LY6K: variants seen among roughly 807,000 people sequenced by gnomAD.
The protein encoded by LY6K is lymphocyte antigen 6K.
A neutral mutation model predicts 10.4 loss-of-function variants in LY6K; 9 were observed. The ratio of observed to expected loss-of-function variants is 0.87; its 90% CI spans 0.52 to 1.52. The LOEUF (loss-of-function observed/expected upper bound fraction) is 1.52, where lower values mean the gene tolerates loss of function less well. Ranked by LOEUF, LY6K falls within the 40% of genes most tolerant of loss-of-function variation. LY6K has a pLI of 0.00. For missense variants in LY6K, 217 were observed against 211.7 expected (o/e 1.02, Z -0.15); for synonymous variants, 98 against 83.7 (o/e 1.17, Z -0.94).
intron 2 of LY6K, chr8:142,702,361 A>AGT: frequency 6.7e-6 from 5 of 751,856 alleles, no homozygotes; most frequent in Non-Finnish European, 1.1e-5. Context: ...ACAGCCTTCA[A>AGT]GTGTGTTCTC....
Position 142,704,456 on chromosome 8 carries a change from G to C in LY6K, c.*1085G>C, listed in dbSNP as rs781959533. ...TTGAAACTCTCACAAAACTGGCCTT[G>C]TTTGATGAGAGGAATGAGCAGGAGC... On this transcript the variant is annotated 3_prime_UTR_variant, in exon 3 of 3. Transcript: ENST00000292430. The C allele has an allele frequency of 6.6e-6, 1 of 152,360 alleles. No individual in the cohort carries two copies. The highest frequency in any genetic ancestry group is 1.5e-5 in the Non-Finnish European group (1 of 68,042). The allele number at this position is 152,360 out of a possible 1,614,324, so 9.4% of individuals were successfully genotyped here.
At chr8:142,702,025 C>T in intron 2 of LY6K, 1 of 301,520 alleles carries the variant, frequency 3.3e-6, no homozygotes, top group Non-Finnish European at 6.2e-6. Flanking sequence ...TCAGGCTGGT[C>T]TCGAACTCCT....
At chr8:142,702,768 A>T (rs587684214) in intron 2 of LY6K, 1 of 1,484,614 alleles carries the variant, frequency 6.7e-7, no homozygotes, top group Admixed American at 2.2e-5. Context: ...GCTGGGAGTC[A>T]TGTGTCTGTC....
At position 142,700,383 on chromosome 8, in the gene LY6K, G is replaced by C; in HGVS notation, c.-145G>C. The C allele has an allele frequency of 7.5e-7, 1 of 1,341,866 alleles. No homozygotes were observed. Among genetic ancestry groups the C allele is most frequent in the Non-Finnish European group, 9.5e-7 (1 of 1,050,838 alleles). The allele number at this position is 1,341,866 out of a possible 1,614,324, so 83.1% of individuals were successfully genotyped here. A position where few individuals can be genotyped will look rare whatever the true frequency, so the allele number is the denominator to read the frequency against. ...GGCTCCAAAGACCCCGACAGGCCCC[G>C]GCGGGTGGGAGGCGCGCGCCCCGGG... On this transcript the variant is annotated 5_prime_UTR_variant, in exon 1 of 3. Transcript: ENST00000292430.
chr8:142,700,643 C>A lies in LY6K; in HGVS notation c.103+13C>A, dbSNP rs1554639975. 3 of 1,510,442 alleles carry A rather than the reference C, an allele frequency of 2.0e-6. No homozygotes were observed. The highest frequency in any genetic ancestry group is 2.7e-6 in the Non-Finnish European group (3 of 1,128,298). 93.6% of individuals were successfully genotyped at this position (1,510,442 alleles called of 1,614,324 possible). On this transcript the variant is annotated intron_variant, in intron 1 of 2. Coordinates refer to ENST00000292430, the MANE Select transcript of LY6K (RefSeq NM_017527.4). ...TCCCAGCGAACGGGTGAGCCTGGCT[C>A]GCCCTCCACAGCCACGGGCCGAGAG...
At position 142,700,536 on chromosome 8, in the gene LY6K, G is replaced by C; in HGVS notation, c.9G>C (p.Leu3=). MA[L]LALLLVVALP... ...GGGCACCGCTGGGGACGATGGCGCT[G>C]CTCGCCTTGCTGCTGGTCGTGGCCC... Residue 3 remains leucine, a synonymous_variant, in exon 1 of 3, where the codon CTG becomes CTC. Coordinates refer to ENST00000292430, the MANE Select transcript of LY6K (RefSeq NM_017527.4). 6.3e-7 allele frequency: 1 copy of C among 1,580,978 alleles called. No individual in the cohort carries two copies. Among genetic ancestry groups the C allele is most frequent in the Non-Finnish European group, 8.6e-7 (1 of 1,165,894 alleles).
In LY6K at chr8:142,703,633, T is replaced by C; in HGVS notation, c.*262T>C. ...TTGAAATCAAACCTTGTAACTCATTTATTGCTGATGGCCACTCTTTTCCTT... is the reference window on the plus strand; with the variant it reads ...TTGAAATCAAACCTTGTAACTCATTCATTGCTGATGGCCACTCTTTTCCTT... On this transcript the variant is annotated 3_prime_UTR_variant, in exon 3 of 3. Coordinates refer to ENST00000292430, the MANE Select transcript of LY6K (RefSeq NM_017527.4). 1 of 487,486 alleles carries C rather than the reference T, an allele frequency of 2.1e-6. No individual in the cohort carries two copies. Among genetic ancestry groups the C allele is most frequent in the Admixed American group, 3.7e-5 (1 of 27,300 alleles). 30.2% of individuals were successfully genotyped at this position (487,486 alleles called of 1,614,324 possible).
At position 142,704,963 on chromosome 8, in the gene LY6K, T is replaced by TA. The variant is rs1554640713; in HGVS notation, c.*1593dup. ...TGTAAGCTGAACACCTTGGGATACCTACAGCGTTGGCTATTGTTTCTGCTG... is the reference window on the plus strand; with the variant it reads ...TGTAAGCTGAACACCTTGGGATACCTAACAGCGTTGGCTATTGTTTCTGCTG... On this transcript the variant is annotated 3_prime_UTR_variant, in exon 3 of 3. Coordinates refer to ENST00000292430, the MANE Select transcript of LY6K (RefSeq NM_017527.4). The TA allele has an allele frequency of 6.6e-6, 1 of 152,208 alleles. No homozygotes were observed. Among genetic ancestry groups the TA allele is most frequent in the Non-Finnish European group, 1.5e-5 (1 of 68,034 alleles). The allele number at this position is 152,208 out of a possible 1,614,324, so 9.4% of individuals were successfully genotyped here. A position where few individuals can be genotyped will look rare whatever the true frequency, so the allele number is the denominator to read the frequency against.
In LY6K at chr8:142,703,716, C is replaced by T. The variant is rs2129940771; in HGVS notation, c.*345C>T. On this transcript the variant is annotated 3_prime_UTR_variant, in exon 3 of 3. Coordinates refer to ENST00000292430, the MANE Select transcript of LY6K (RefSeq NM_017527.4). Reference sequence around the variant, plus strand: ...GATGGGGAGGGAGGCCTAAGTACCACTCATGGAGAGTATGTGCTGAGATGC... The same window carrying T: ...GATGGGGAGGGAGGCCTAAGTACCATTCATGGAGAGTATGTGCTGAGATGC... 3.5e-6 allele frequency: 1 copy of T among 289,784 alleles called. No homozygotes were observed. The highest frequency in any genetic ancestry group is 2.2e-5 in the African/African-American group (1 of 46,510). The allele number at this position is 289,784 out of a possible 1,614,324, so 18.0% of individuals were successfully genotyped here. A position where few individuals can be genotyped will look rare whatever the true frequency, so the allele number is the denominator to read the frequency against.
rs1554640419 is a variant in LY6K, at chr8:142,703,085, T to C, written c.218-6T>C. On this transcript the variant is annotated splice_polypyrimidine_tract_variant and splice_region_variant and intron_variant, in intron 2 of 2. Transcript: ENST00000292430. ...TTGCCTTCTCTCGGTCTTTATTTCC[T>C]ATTAGAAATATTTCCACGTTTTTTC... The C allele has an allele frequency of 1.2e-6, 2 of 1,613,370 alleles. No individual in the cohort carries two copies. Among genetic ancestry groups the C allele is most frequent in the Admixed American group, 3.3e-5 (2 of 59,944 alleles).
In LY6K at chr8:142,701,730, T is replaced by C; in HGVS notation, c.217+17T>C. 1 of 1,560,162 alleles carries C rather than the reference T, an allele frequency of 6.4e-7. No homozygotes were observed. The highest frequency in any genetic ancestry group is 8.8e-7 in the Non-Finnish European group (1 of 1,132,868). On this transcript the variant is annotated intron_variant, in intron 2 of 2. Transcript: ENST00000292430. ...CGGCCGTGAGTGAGTATCTTCGCTC[T>C]TGTTGGGGACCCAAAGGCAGGTGAA... is the stretch of plus-strand genomic sequence containing the variant.
Position 142,703,718 on chromosome 8 carries a change from C to T in LY6K, c.*347C>T, listed in dbSNP as rs1436450990. On this transcript the variant is annotated 3_prime_UTR_variant, in exon 3 of 3. Coordinates refer to ENST00000292430, the MANE Select transcript of LY6K (RefSeq NM_017527.4). ...TGGGGAGGGAGGCCTAAGTACCACT[C>T]ATGGAGAGTATGTGCTGAGATGCTT... 4 of 286,876 alleles carry T rather than the reference C, an allele frequency of 1.4e-5. No individual in the cohort carries two copies. The highest frequency in any genetic ancestry group is 2.2e-5 in the African/African-American group (1 of 46,288). The allele number at this position is 286,876 out of a possible 1,614,324, so 17.8% of individuals were successfully genotyped here. A position where few individuals can be genotyped will look rare whatever the true frequency, so the allele number is the denominator to read the frequency against.
intron 1 of LY6K, 58 bp from the exon 2 acceptor site, chr8:142,701,542 C>G: frequency 1.7e-6 from 2 of 1,168,086 alleles, no homozygotes; most frequent in East Asian, 2.4e-5. Flanking sequence ...CGGCTGTGTT[C>G]ATCAGATAGG....
intron 2 of LY6K, 71 bp from the exon 3 acceptor site, chr8:142,703,020 A>T: frequency 6.3e-7 from 1 of 1,594,300 alleles, no homozygotes; most frequent in African/African-American, 1.3e-5. Context: ...GCTTTGACCC[A>T]GACAGAAGGG....
chr8:142,702,362 G>C, intron 2 of LY6K: 1 of 757,264 alleles, frequency 1.3e-6, no homozygotes, highest in Non-Finnish European at 2.2e-6. Context: ...CAGCCTTCAA[G>C]TGTGTTCTCA....
chr8:142,701,117 G>A (rs1417693267), intron 1 of LY6K, among the ~76,000 whole-genome samples: 3 of 152,212 alleles, frequency 2.0e-5, no homozygotes, highest in Non-Finnish European at 4.4e-5. Context: ...TCGGCCGGGA[G>A]ATGCCAGGGC....
At chr8:142,702,411 C>T in intron 2 of LY6K, 2 of 1,347,672 alleles carry the variant, frequency 1.5e-6, no homozygotes, top group Non-Finnish European at 2.0e-6. Flanking sequence ...GAGACCACTG[C>T]TCTGTCATCT....
intron 2 of LY6K, 30 bp downstream of exon 2, chr8:142,701,743 A>G: frequency 6.8e-7 from 1 of 1,481,032 alleles, no homozygotes; most frequent in Non-Finnish European, 9.4e-7. Flanking sequence ...TTGGGGACCC[A>G]AAGGCAGGTG....
chr8:142,701,884 C>T (rs1282364785), intron 2 of LY6K, 171 bp downstream of exon 2: 1 of 545,128 alleles, frequency 1.8e-6, no homozygotes, highest in Non-Finnish European at 3.3e-6. Flanking sequence ...GATCTCGGCT[C>T]ACTGCAACCT....
Sources: allele counts gnomAD v4.1 joint callset (sites outside exome capture counted in the v4.1 genomes callset), GRCh38; gene constraint gnomAD v4.1.1; transcripts MANE v1.5; gene names NCBI Gene and HGNC (gene_info 2026-07-23, HGNC 2026-07-21).